PCDH7: variants seen among roughly 807,000 people sequenced by gnomAD.
PCDH7 encodes protocadherin-7.
PCDH7 carries 17 observed loss-of-function variants against 58.9 expected under a neutral mutation model. The ratio of observed to expected loss-of-function variants is 0.29; its 90% CI spans 0.20 to 0.43. The LOEUF is 0.43. Among genes scored for constraint, PCDH7 ranks in the 20% least tolerant of loss-of-function variants. PCDH7 has a pLI of 1.00. For synonymous variants in PCDH7, 664 were observed against 616.4 expected, an observed-to-expected ratio of 1.08 and a Z score of -1.14; for missense variants, 1,274 against 1,441.0, an observed-to-expected ratio of 0.88 and a Z score of 1.88.
At chr4:31,071,695 C>G (rs1323929435) in intron 3 of PCDH7, among the ~76,000 whole-genome samples, 1 of 151,980 alleles carries the variant, frequency 6.6e-6, no homozygotes, top group African/African-American at 2.4e-5. Flanking sequence ...AGTGGTTGCT[C>G]TGATTGTGTT....
At chr4:30,906,127 A>G (rs1277792730) in intron 1 of PCDH7, among the ~76,000 whole-genome samples, 3 of 152,190 alleles carry the variant, frequency 2.0e-5, no homozygotes, top group African/African-American at 7.2e-5. Context: ...ATTCCAAGAT[A>G]CATTAACATT....
At chr4:31,052,206 C>A (rs1223047607) in intron 3 of PCDH7, among the ~76,000 whole-genome samples, 1 of 152,102 alleles carries the variant, frequency 6.6e-6, no homozygotes, top group East Asian at 1.9e-4. Context: ...TCCTTATCGA[C>A]TTTAGTTTAA....
intron 3 of PCDH7, among the ~76,000 whole-genome samples, chr4:31,077,704 CCCA>C (rs1274337466): frequency 2.6e-5 from 4 of 152,080 alleles, no homozygotes; most frequent in Admixed American, 2.6e-4. Flanking sequence ...GTGCATTTCA[CCCA>C]CCTTCTACAA....
In PCDH7 at chr4:30,790,303, A is replaced by T. The variant is rs1291262436; in HGVS notation, c.70+65707A>T. Among the ~76,000 whole-genome samples the T allele has an allele frequency of 2.0e-5, 3 of 152,220 alleles. No homozygotes were observed. The East Asian group carries it at 5.8e-4, about 29-fold the overall frequency. ...TGAAGAAGATACTATTATGTTCATGATACCCATCTTGCAGATGAGGAAAAT... is the reference window on the plus strand; with the variant it reads ...TGAAGAAGATACTATTATGTTCATGTTACCCATCTTGCAGATGAGGAAAAT... On this transcript the variant is annotated intron_variant, in intron 1 of 3. Transcript: ENST00000509759.
intron 3 of PCDH7, among the ~76,000 whole-genome samples, chr4:31,074,450 C>G (rs1014233837): frequency 6.6e-6 from 1 of 151,860 alleles, no homozygotes; most frequent in Non-Finnish European, 1.5e-5. Context: ...ATAAATGTGT[C>G]TTAGTCCCCT....
At chr4:31,007,995 A>T (rs187814014) in intron 3 of PCDH7, among the ~76,000 whole-genome samples, 3 of 152,102 alleles carry the variant, frequency 2.0e-5, no homozygotes, top group Non-Finnish European at 4.4e-5. Flanking sequence ...GCAGCATGAC[A>T]TGGGGTAGGA....
At chr4:30,881,990 C>T (rs1737030051) in intron 1 of PCDH7, among the ~76,000 whole-genome samples, 1 of 152,058 alleles carries the variant, frequency 6.6e-6, no homozygotes, top group South Asian at 2.1e-4. Context: ...AAGTGTGAAA[C>T]ATGAGTCTTA....
At chr4:30,729,298 A>G (rs1414683240) in intron 1 of PCDH7, among the ~76,000 whole-genome samples, 2 of 151,998 alleles carry the variant, frequency 1.3e-5, no homozygotes, top group East Asian at 3.8e-4. Context: ...GTTGAAATTT[A>G]CTTACTTATT....
chr4:30,825,571 T>C (rs1417003942), intron 1 of PCDH7, among the ~76,000 whole-genome samples: 1 of 152,128 alleles, frequency 6.6e-6, no homozygotes, highest in East Asian at 1.9e-4. Flanking sequence ...ATTGCTGTTA[T>C]TGATGCTTCT....
Position 30,721,603 on chromosome 4 carries a change from T to C in PCDH7, c.181T>C (p.Ser61Pro), listed in dbSNP as rs889719046. 6.2e-7 allele frequency: 1 copy of C among 1,611,922 alleles called. No individual in the cohort carries two copies. The highest frequency in any genetic ancestry group is 1.7e-5 in the Admixed American group (1 of 60,008). Residue 61 changes from serine to proline, a missense_variant, in exon 1 of 2, where the codon TCG becomes CCG. By Grantham distance (74) the Ser-to-Pro change is moderately conservative. Around this residue, in one of 3 missense-constraint regions of PCDH7, gnomAD observed 212 missense variants for 255.8 expected, o/e 0.83. Coordinates refer to ENST00000361762, the Ensembl canonical transcript of PCDH7. The surrounding 1 kb of genome is among the most constrained non-coding windows in gnomAD (Gnocchi z 6.7). ...TTCAGACCTGGGCATCGTGACCGGA[T>C]CGGGTGAGGTGACTTTCAGCCTGGA... is the stretch of plus-strand genomic sequence containing the variant.
chr4:30,894,435 C>T (rs1313158545), intron 1 of PCDH7, among the ~76,000 whole-genome samples: 1 of 125,112 alleles, frequency 8.0e-6, no homozygotes, highest in Non-Finnish European at 1.6e-5. Flanking sequence ...GAGGCCAAGG[C>T]CCTGGTCTGG....
At chr4:30,989,235 G>A (rs1751249984) in intron 3 of PCDH7, among the ~76,000 whole-genome samples, 1 of 150,774 alleles carries the variant, frequency 6.6e-6, no homozygotes, top group Non-Finnish European at 1.5e-5. Flanking sequence ...CAAGAATGGT[G>A]TAAATATCTG....
At chr4:30,758,261 T>C (rs1463591857) in intron 1 of PCDH7, among the ~76,000 whole-genome samples, 1 of 152,106 alleles carries the variant, frequency 6.6e-6, no homozygotes, top group Non-Finnish European at 1.5e-5. Flanking sequence ...CTGTATGGGA[T>C]ACTTGAAGCC....
chr4:30,720,400 TCCGACATGCGGG>T (rs1344429190), upstream of PCDH7: 1 of 152,682 alleles, frequency 6.5e-6, no homozygotes, highest in Non-Finnish European at 1.5e-5. This position sits in a 1 kb window ranked among gnomAD's most constrained non-coding sequence, Gnocchi z 4.7. Context: ...ATCCCACTGC[TCCGACATGCGGG>T]CCGAATGCAG....
At chr4:31,124,515 T>A (rs923609010) in intron 3 of PCDH7, among the ~76,000 whole-genome samples, 1 of 152,152 alleles carries the variant, frequency 6.6e-6, no homozygotes, top group Non-Finnish European at 1.5e-5. Flanking sequence ...CAAGATACAA[T>A]TATTAAAATT....
chr4:31,077,409 C>CAAAAAAAA (rs36096768), intron 3 of PCDH7, among the ~76,000 whole-genome samples: 1 of 87,996 alleles, frequency 1.1e-5, no homozygotes, highest in Non-Finnish European at 2.4e-5. Flanking sequence ...AACTCCATCT[C>CAAAAAAAA]AAAAAAAAAA....
At chr4:30,813,742 A>G (rs887832001) in intron 1 of PCDH7, among the ~76,000 whole-genome samples, 1 of 152,146 alleles carries the variant, frequency 6.6e-6, no homozygotes, top group South Asian at 2.1e-4. Flanking sequence ...TCTGGTTTCA[A>G]GCAATTTTCT....
chr4:31,113,750 A>G (rs781423866), intron 3 of PCDH7, among the ~76,000 whole-genome samples: 7 of 152,118 alleles, frequency 4.6e-5, no homozygotes, highest in African/African-American at 1.7e-4. Context: ...AACACAAAAT[A>G]ACTCTTAGGG....
chr4:30,749,202 A>G (rs1427942118), intron 1 of PCDH7, among the ~76,000 whole-genome samples: 1 of 152,224 alleles, frequency 6.6e-6, no homozygotes, highest in Non-Finnish European at 1.5e-5. Flanking sequence ...GACTATGAAG[A>G]AAAGGTGTGG....
Sources: allele counts gnomAD v4.1 joint callset (sites outside exome capture counted in the v4.1 genomes callset), GRCh38; gene constraint gnomAD v4.1.1; regional missense constraint gnomAD v4.1.1; non-coding constraint Gnocchi (gnomAD v3.1); transcripts MANE v1.5; gene names NCBI Gene and HGNC (gene_info 2026-07-23, HGNC 2026-07-21).